VLDLR: variants seen among roughly 807,000 people sequenced by gnomAD.
VLDLR encodes very low-density lipoprotein receptor.
VLDLR carries 81 observed loss-of-function variants against 112.7 expected under a neutral mutation model. That is an observed-to-expected ratio of 0.72 (90% CI 0.60 to 0.86). The LOEUF (loss-of-function observed/expected upper bound fraction) is 0.86. Ranked by LOEUF, VLDLR falls within the 40% of genes least tolerant of loss-of-function variation. The pLI, the probability that VLDLR is intolerant of heterozygous loss-of-function variation, is 0.00. For missense variants in VLDLR, 1,237 were observed against 1,099.4 expected (o/e 1.13, Z -1.77); for synonymous variants, 436 against 384.8 (o/e 1.13, Z -1.56).
At chr9:2,634,390 G>C (rs940233047) in intron 1 of VLDLR, among the ~76,000 whole-genome samples, 9 of 152,190 alleles carry the variant, frequency 5.9e-5, no homozygotes, top group African/African-American at 2.2e-4. Flanking sequence ...AGTAATCTGC[G>C]TGAACTATAT....
In VLDLR at chr9:2,648,814, C is replaced by G; in HGVS notation, c.2104+4C>G. 6.2e-7 allele frequency: 1 copy of G among 1,614,130 alleles called. No homozygotes were observed. Among genetic ancestry groups the G allele is most frequent in the Non-Finnish European group, 8.5e-7 (1 of 1,180,018 alleles). On this transcript the variant is annotated splice_donor_region_variant and intron_variant, in intron 14 of 18. Transcript: ENST00000382100. ...CATGAACTTGTACAGCCATCAGGTACCGTGGAGAAGCACAGTCCTTAATAA... is the reference window on the plus strand; with the variant it reads ...CATGAACTTGTACAGCCATCAGGTAGCGTGGAGAAGCACAGTCCTTAATAA...
At chr9:2,633,676 TC>T (rs1402273413) in intron 1 of VLDLR, among the ~76,000 whole-genome samples, 1 of 152,190 alleles carries the variant, frequency 6.6e-6, no homozygotes, top group African/African-American at 2.4e-5. Context: ...GACTATTCTT[TC>T]CAAGTATATT....
intron 12 of VLDLR, 64 bp downstream of exon 12, chr9:2,647,656 C>T (rs565260775): frequency 2.0e-5 from 28 of 1,418,364 alleles, no homozygotes; most frequent in Middle Eastern, 1.8e-4. Flanking sequence ...CATTTATCTC[C>T]ATGGTGAATT....
rs763355007 is a variant in VLDLR, at chr9:2,650,377, T to G, written c.2112T>G (p.Asn704Lys). 6.2e-7 allele frequency: 1 copy of G among 1,614,054 alleles called. No individual in the cohort carries two copies. The highest frequency in any genetic ancestry group is 8.5e-7 in the Non-Finnish European group (1 of 1,180,008). The change falls in exon 15 of 19, where the codon AAT becomes AAG. Residue 704 changes from asparagine to lysine, a missense_variant. Coordinates refer to ENST00000382100, the MANE Select transcript of VLDLR (RefSeq NM_003383.5). ...ATTTTTTTTCCTGACTAGGTAAAAA[T>G]TGGTGTGAAGAAGACATGGAGAATG... is the stretch of plus-strand genomic sequence containing the variant. ...YHELVQPSGK[N>K]WCEEDMENGG...
Position 2,645,069 on chromosome 9 carries a change from G to T in VLDLR, c.1299G>T (p.Val433=). The change falls in exon 9 of 19, where the codon GTG becomes GTT. Residue 433 remains valine, a synonymous_variant. Coordinates refer to ENST00000382100, the MANE Select transcript of VLDLR (RefSeq NM_003383.5). ...ATCAAATGGATCTTGCTACTGGCGTGTGCAAGGCAGTAGGTAAATGAACTT... is the reference window on the plus strand; with the variant it reads ...ATCAAATGGATCTTGCTACTGGCGTTTGCAAGGCAGTAGGTAAATGAACTT... ...RGYQMDLATG[V]CKAVGKEPSL... 1 of 1,614,212 alleles carries T rather than the reference G, an allele frequency of 6.2e-7. No individual in the cohort carries two copies. The highest frequency in any genetic ancestry group is 8.5e-7 in the Non-Finnish European group (1 of 1,180,030).
At chr9:2,644,076 A>T in intron 7 of VLDLR, 117 bp downstream of exon 7, 3 of 1,448,202 alleles carry the variant, frequency 2.1e-6, no homozygotes, top group Non-Finnish European at 2.9e-6. Flanking sequence ...CTGAAGTTCA[A>T]TTGTAGACTT....
chr9:2,650,622 G>C, intron 15 of VLDLR, 106 bp downstream of exon 15: 3 of 1,454,352 alleles, frequency 2.1e-6, no homozygotes, highest in Admixed American at 3.7e-5. Context: ...TCTTTGAATA[G>C]ATTTGAGAAG....
intron 13 of VLDLR, 34 bp downstream of exon 13, chr9:2,648,381 T>G (rs2130801608): frequency 3.7e-6 from 6 of 1,613,704 alleles, no homozygotes; most frequent in Non-Finnish European, 5.1e-6. Flanking sequence ...TGTGTACCTT[T>G]GAGCTACTAT....
intron 17 of VLDLR, 31 bp downstream of exon 17, chr9:2,651,985 A>G: frequency 6.2e-7 from 1 of 1,604,200 alleles, no homozygotes; most frequent in Non-Finnish European, 8.5e-7. Context: ...TCTGGGTTCA[A>G]GAACTTCTTA....
intron 1 of VLDLR, among the ~76,000 whole-genome samples, chr9:2,623,978 A>G (rs980553958): frequency 4.6e-5 from 7 of 152,226 alleles, no homozygotes; most frequent in African/African-American, 7.2e-5. Context: ...TAACATTTCA[A>G]AACGCTAAGG....
chr9:2,658,854 G>T lies in VLDLR; in HGVS notation c.*4986G>T, dbSNP rs369278899. 3 of 152,262 alleles carry T rather than the reference G, an allele frequency of 2.0e-5. No homozygotes were observed. The highest frequency in any genetic ancestry group is 3.9e-4 in the East Asian group (2 of 5,188). 9.4% of individuals were successfully genotyped at this position (152,262 alleles called of 1,614,324 possible). On this transcript the variant is annotated 3_prime_UTR_variant, in exon 19 of 19. Transcript: ENST00000382100. ...TATGATGAATGTAATGTGTTAGATG[G>T]TGACCGAAGTGTTCTCCACTACACC...
At chr9:2,644,667 G>A in intron 7 of VLDLR, 67 bp from the exon 8 acceptor site, 1 of 1,607,768 alleles carries the variant, frequency 6.2e-7, no homozygotes, top group Non-Finnish European at 8.5e-7. Context: ...CAAATAGCCT[G>A]GGTTTTAAAT....
chr9:2,627,086 C>T lies in VLDLR; in HGVS notation c.82+4815C>T, dbSNP rs1306299442. Reference sequence around the variant, plus strand: ...AGCACTGGTTCCTTCCTTTGTGGCACTTAGTCTAGTAGGGGAATCAAAGCA... The same window carrying T: ...AGCACTGGTTCCTTCCTTTGTGGCATTTAGTCTAGTAGGGGAATCAAAGCA... On this transcript the variant is annotated intron_variant, in intron 1 of 18. Transcript: ENST00000382100. 5.3e-5 allele frequency among the ~76,000 whole-genome samples: 8 copies of T among 152,206 alleles called. No homozygotes were observed. In the East Asian group the frequency reaches 1.5e-3, roughly 29 times the overall value.
Position 2,639,977 on chromosome 9 carries a change from G to C in VLDLR, c.321G>C (p.Gln107His). Residue 107 changes from glutamine (Q) to histidine (H), a missense_variant, in exon 3 of 19, where the codon CAG becomes CAC. Coordinates refer to ENST00000382100, the MANE Select transcript of VLDLR (RefSeq NM_003383.5). Reference protein sequence around the residue: ...CEDGSDESPEQCHMRTCRIHE... With the variant: ...CEDGSDESPEHCHMRTCRIHE... ...ATGGTTCAGATGAAAGCCCAGAACA[G>C]TGCCGTGAGTGTAACTTGCTTTGGC... 1 of 1,614,230 alleles carries C rather than the reference G, an allele frequency of 6.2e-7. No individual in the cohort carries two copies.
rs539127839 is a variant in VLDLR at position 2,654,980 on chromosome 9, G to C, written c.*1112G>C. On this transcript the variant is annotated 3_prime_UTR_variant, in exon 19 of 19. Transcript: ENST00000382100. Reference sequence around the variant, plus strand: ...AGTCTAAGGCAGGTTTCTCAGTGTGGTCCTGAGAACAGAAGCATCTGCATC... The same window carrying C: ...AGTCTAAGGCAGGTTTCTCAGTGTGCTCCTGAGAACAGAAGCATCTGCATC... The C allele has an allele frequency of 6.6e-6, 1 of 152,174 alleles. No homozygotes were observed. Among genetic ancestry groups the C allele is most frequent in the Non-Finnish European group, 1.5e-5 (1 of 68,050 alleles). 9.4% of individuals were successfully genotyped at this position (152,174 alleles called of 1,614,324 possible). A position where few individuals can be genotyped will look rare whatever the true frequency, so the allele number is the denominator to read the frequency against.
intron 7 of VLDLR, 65 bp downstream of exon 7, chr9:2,644,024 T>C: frequency 6.2e-7 from 1 of 1,611,646 alleles, no homozygotes. Flanking sequence ...TAGCTAACAC[T>C]GTGTGGACCC....
Position 2,641,369 on chromosome 9 carries a change from A to G in VLDLR, c.326-8A>G. On this transcript the variant is annotated splice_polypyrimidine_tract_variant and splice_region_variant and intron_variant, in intron 3 of 18. Coordinates refer to ENST00000382100, the MANE Select transcript of VLDLR (RefSeq NM_003383.5). ...TGAGGCTCTTTTGAGACTGTATATCATCAACAGATATGAGAACATGCCGCA... is the reference window on the plus strand; with the variant it reads ...TGAGGCTCTTTTGAGACTGTATATCGTCAACAGATATGAGAACATGCCGCA... 6.2e-7 allele frequency: 1 copy of G among 1,614,118 alleles called. No homozygotes were observed. The highest frequency in any genetic ancestry group is 8.5e-7 in the Non-Finnish European group (1 of 1,179,950).
chr9:2,647,882 G>A (rs376047276), intron 12 of VLDLR: 2 of 569,374 alleles, frequency 3.5e-6, no homozygotes, highest in Non-Finnish European at 6.2e-6. Flanking sequence ...GAGTGCCTTA[G>A]CATTTCCTGA....
Position 2,659,708 on chromosome 9 carries a change from A to G in VLDLR, c.*5840A>G, listed in dbSNP as rs574875176. 2.6e-5 allele frequency: 4 copies of G among 152,348 alleles called. No homozygotes were observed. Among genetic ancestry groups the G allele is most frequent in the South Asian group, 2.1e-4 (1 of 4,832 alleles). 9.4% of individuals were successfully genotyped at this position (152,348 alleles called of 1,614,324 possible). On this transcript the variant is annotated 3_prime_UTR_variant, in exon 19 of 19. Coordinates refer to ENST00000382100, the MANE Select transcript of VLDLR (RefSeq NM_003383.5). ...CTGTGGCTTGTAACTCAATGATGCT[A>G]TAACTCCAGCACTGGATCTTAAGTA...
Sources: allele counts gnomAD v4.1 joint callset (sites outside exome capture counted in the v4.1 genomes callset), GRCh38; gene constraint gnomAD v4.1.1; transcripts MANE v1.5; gene names NCBI Gene and HGNC (gene_info 2026-07-23, HGNC 2026-07-21).